ATP6V0A1: variants seen among roughly 807,000 people sequenced by gnomAD.
ATP6V0A1 encodes the protein ATPase H+ transporting V0 subunit a1.
In ATP6V0A1, 43 loss-of-function variants were observed where a neutral mutation model predicts 105.4. The ratio of observed to expected loss-of-function variants is 0.41; its 90% CI spans 0.32 to 0.53. The LOEUF (loss-of-function observed/expected upper bound fraction) is 0.53. Ranked by LOEUF, ATP6V0A1 falls within the 20% of genes least tolerant of loss-of-function variation. The probability of loss-of-function intolerance (pLI) is 0.30; values close to 1 mark genes in which losing one functional copy is unlikely to be tolerated. For synonymous variants in ATP6V0A1, 362 were observed against 372.8 expected, an observed-to-expected ratio of 0.97 and a Z score of 0.33; for missense variants, 676 against 1,051.1, an observed-to-expected ratio of 0.64 and a Z score of 4.93.
intron 5 of ATP6V0A1, among the ~76,000 whole-genome samples, chr17:42,472,296 C>T (rs2088080536): frequency 1.3e-5 from 2 of 151,982 alleles, no homozygotes; most frequent in Non-Finnish European, 2.9e-5. Flanking sequence ...TCAAGTGATC[C>T]ATCCACCTCT....
At chr17:42,487,720 T>A (rs1965295462) in intron 10 of ATP6V0A1, among the ~76,000 whole-genome samples, 1 of 151,236 alleles carries the variant, frequency 6.6e-6, no homozygotes, top group African/African-American at 2.4e-5. Flanking sequence ...AGAGCGAGAC[T>A]CTGTCTCAAA....
chr17:42,507,500 CTT>C lies in ATP6V0A1; in HGVS notation c.2005-18_2005-17del. On this transcript the variant is annotated intron_variant, in intron 17 of 21. Transcript: ENST00000343619. The stretch of plus-strand genomic sequence containing the variant: ...TGTTAAAGCCCAGGCAAATTCTACT[CTT>C]TCTGTTCATCTGTGTAGGGAACTCT... 1 of 1,572,862 alleles carries C rather than the reference CTT, an allele frequency of 6.4e-7. No homozygotes were observed. Among genetic ancestry groups the C allele is most frequent in the Non-Finnish European group, 8.7e-7 (1 of 1,147,068 alleles).
Position 42,472,583 on chromosome 17 carries a change from G to C in ATP6V0A1, c.423+2365G>C, listed in dbSNP as rs1026527924. On this transcript the variant is annotated intron_variant, in intron 5 of 21. Transcript: ENST00000343619. ...TACTAAAAATACAAAAATTAGCCAG[G>C]CATGGTGGCGGGCGCCTATAATCCC... is the stretch of plus-strand genomic sequence containing the variant. Among the ~76,000 whole-genome samples, 15 of 152,004 alleles carry C rather than the reference G, an allele frequency of 9.9e-5. No homozygotes were observed. The East Asian group carries it at 2.9e-3, about 30-fold the overall frequency.
intron 8 of ATP6V0A1, 114 bp from the exon 9 acceptor site, chr17:42,482,920 TTGAC>T: frequency 2.1e-6 from 1 of 476,150 alleles, no homozygotes; most frequent in Non-Finnish European, 3.2e-6. Flanking sequence ...AAAAAAAGTG[TTGAC>T]TTAATACATC....
At chr17:42,466,959 A>G (rs1310272390) in intron 3 of ATP6V0A1, among the ~76,000 whole-genome samples, 1 of 152,030 alleles carries the variant, frequency 6.6e-6, no homozygotes, top group African/African-American at 2.4e-5. Context: ...CATCCTGGCT[A>G]ACATGGTAAA....
At chr17:42,498,545 C>T (rs1025187307) in intron 14 of ATP6V0A1, among the ~76,000 whole-genome samples, 10 of 151,966 alleles carry the variant, frequency 6.6e-5, no homozygotes, top group South Asian at 2.1e-4. Context: ...TAAAAATTGT[C>T]GACCGGGCGC....
At chr17:42,505,625 A>T (rs544846951) in intron 17 of ATP6V0A1, among the ~76,000 whole-genome samples, 65 of 152,218 alleles carry the variant, frequency 4.3e-4, no homozygotes, top group African/African-American at 1.6e-3. Flanking sequence ...GGTGTGAGCC[A>T]CTGTGCCCAG....
chr17:42,493,971 C>T (rs559930661), intron 11 of ATP6V0A1, among the ~76,000 whole-genome samples: 1 of 152,110 alleles, frequency 6.6e-6, no homozygotes, highest in South Asian at 2.1e-4. Flanking sequence ...AGCCTGGGCA[C>T]GGTGGCTCAC....
intron 6 of ATP6V0A1, 104 bp downstream of exon 6, chr17:42,477,846 TC>T (rs1448044741): frequency 8.7e-6 from 8 of 922,856 alleles, no homozygotes; most frequent in Non-Finnish European, 1.3e-5. Flanking sequence ...GGATATGCCC[TC>T]TTCTGAGCCT....
chr17:42,461,063 G>A (rs751311886), intron 2 of ATP6V0A1, 52 bp downstream of exon 2: 11 of 1,423,620 alleles, frequency 7.7e-6, no homozygotes, highest in South Asian at 2.3e-5. Context: ...TATTGCTATC[G>A]TGGTCAGATG....
chr17:42,504,818 C>T (rs1177925446), intron 17 of ATP6V0A1, among the ~76,000 whole-genome samples: 1 of 152,218 alleles, frequency 6.6e-6, no homozygotes, highest in Non-Finnish European at 1.5e-5. Context: ...CCTGCCCCCA[C>T]TACAGTCCTC....
chr17:42,490,833 C>G (rs551532314), intron 11 of ATP6V0A1, among the ~76,000 whole-genome samples, 196 bp downstream of exon 11: 1 of 152,114 alleles, frequency 6.6e-6, no homozygotes, highest in Non-Finnish European at 1.5e-5. Context: ...GGACCACAGG[C>G]GCACAGCACC....
At chr17:42,507,797 G>A in intron 18 of ATP6V0A1, 170 bp downstream of exon 18, 1 of 623,384 alleles carries the variant, frequency 1.6e-6, no homozygotes, top group East Asian at 3.1e-5. Context: ...AGTGGGCCCT[G>A]CCCTAAGCTC....
chr17:42,521,235 CCTGT>C lies in ATP6V0A1; in HGVS notation c.*120_*123del, dbSNP rs1295560594. ...GTGGGCACCAGCTCATTCGTGTCAC[CCTGT>C]CTGTGAGTCATTTAGATAGAATAGT... On this transcript the variant is annotated 3_prime_UTR_variant, in exon 22 of 22. Coordinates refer to ENST00000343619, the MANE Select transcript of ATP6V0A1 (RefSeq NM_001130021.3). The surrounding 1 kb of genome is among the most constrained non-coding windows in gnomAD (Gnocchi z 4.8). 6 of 915,238 alleles carry C rather than the reference CCTGT, an allele frequency of 6.6e-6. No homozygotes were observed. The highest frequency in any genetic ancestry group is 9.8e-6 in the Non-Finnish European group (6 of 613,328). The allele number at this position is 915,238 out of a possible 1,614,324, so 56.7% of individuals were successfully genotyped here.
At chr17:42,461,178 G>C (rs1290187934) in intron 2 of ATP6V0A1, among the ~76,000 whole-genome samples, 167 bp downstream of exon 2, 2 of 152,182 alleles carry the variant, frequency 1.3e-5, no homozygotes, top group African/African-American at 4.8e-5. Flanking sequence ...AGGTGAGAAT[G>C]TTTTGTGCCA....
intron 21 of ATP6V0A1, chr17:42,520,462 T>C (rs770365127): frequency 6.6e-6 from 3 of 456,622 alleles, no homozygotes; most frequent in South Asian, 4.6e-5. Flanking sequence ...CTTTCTCAGA[T>C]GTTTTTGTGG....
chr17:42,520,415 C>T (rs2092792179), intron 21 of ATP6V0A1: 3 of 456,282 alleles, frequency 6.6e-6, no homozygotes, highest in Non-Finnish European at 4.4e-6. Flanking sequence ...GGGAAGGGAG[C>T]TCAGGCTTTT....
At chr17:42,481,396 A>C (rs1322029023) in intron 8 of ATP6V0A1, 1 of 149,422 alleles carries the variant, frequency 6.7e-6, no homozygotes, top group Non-Finnish European at 1.5e-5. Flanking sequence ...TTTTTTTTGT[A>C]TTTTTAGTAG....
At chr17:42,474,309 C>A (rs2088423980) in intron 5 of ATP6V0A1, among the ~76,000 whole-genome samples, 1 of 151,690 alleles carries the variant, frequency 6.6e-6, no homozygotes, top group African/African-American at 2.4e-5. Context: ...CCTCCCCCTC[C>A]TATTTTATTC....
Sources: allele counts gnomAD v4.1 joint callset (sites outside exome capture counted in the v4.1 genomes callset), GRCh38; gene constraint gnomAD v4.1.1; non-coding constraint Gnocchi (gnomAD v3.1); transcripts MANE v1.5; gene names NCBI Gene and HGNC (gene_info 2026-07-23, HGNC 2026-07-21).